KLHL4: variants seen among roughly 807,000 people sequenced by gnomAD.
KLHL4 encodes kelch like family member 4, also known as kelch-like protein 4.
A neutral mutation model predicts 45.8 loss-of-function variants in KLHL4; 17 were observed. The observed-to-expected ratio is 0.37, with a 90% CI of 0.25 to 0.56. KLHL4 has a LOEUF of 0.56. KLHL4 is among the 20% of genes least tolerant of loss of function. The pLI, the probability that KLHL4 is intolerant of heterozygous loss-of-function variation, is 0.79. For missense variants in KLHL4, 544 were observed against 544.9 expected (o/e 1.00, Z 0.02); for synonymous variants, 224 against 189.9 (o/e 1.18, Z -1.47).
intron 4 of KLHL4, 64 bp from the exon 5 acceptor site, chrX:87,622,147 T>C: frequency 1.4e-6 from 1 of 691,014 alleles, no homozygotes; most frequent in Non-Finnish European, 2.2e-6. Context: ...AATTCTTTGA[T>C]ATGCTTATTC....
intron 8 of KLHL4, among the ~76,000 whole-genome samples, chrX:87,634,756 C>T (rs1923205636): frequency 9.0e-6 from 1 of 111,566 alleles, no homozygotes; most frequent in Non-Finnish European, 1.9e-5. Context: ...TTAAGCTACT[C>T]CTAAATCTAT....
At chrX:87,609,351 G>C (rs1484367521) in intron 1 of KLHL4, among the ~76,000 whole-genome samples, 3 of 111,962 alleles carry the variant, frequency 2.7e-5, no homozygotes, top group African/African-American at 9.8e-5. Flanking sequence ...TTCCACAATG[G>C]TTGAACTAGT....
intron 9 of KLHL4, among the ~76,000 whole-genome samples, chrX:87,661,230 CTTG>C (rs1924177282): frequency 9.0e-6 from 1 of 111,419 alleles, no homozygotes; most frequent in African/African-American, 3.3e-5. Context: ...GGTTTGGAAG[CTTG>C]TTGTTGGGGC....
At chrX:87,582,399 C>T (rs1921313630) in intron 1 of KLHL4, among the ~76,000 whole-genome samples, 1 of 111,418 alleles carries the variant, frequency 9.0e-6, no homozygotes, top group East Asian at 2.8e-4. Flanking sequence ...GATAACACAG[C>T]AATTGTGGGG....
In KLHL4 at chrX:87,614,471, A is replaced by G. The variant is rs770164582; in HGVS notation, c.628A>G (p.Met210Val). The change falls in exon 3 of 11, where the codon ATG (methionine) becomes GTG (valine). Residue 210 changes from methionine (M) to valine (V), a missense_variant. Physicochemically the swap from Met to Val is conservative, Grantham distance 21. Transcript: ENST00000373119. ...CGCAGTGTCTGATTATTTTGCTGCA[A>G]TGTTTACTAATGATGTGCTTGAAGC... ...LSAVSDYFAA[M>V]FTNDVLEAKQ... 2.2e-5 allele frequency: 27 copies of G among 1,206,240 alleles called. No individual in the cohort carries two copies. Among genetic ancestry groups the G allele is most frequent in the Non-Finnish European group, 2.9e-5 (26 of 892,538 alleles).
intron 1 of KLHL4, among the ~76,000 whole-genome samples, chrX:87,607,735 A>G (rs5924059): frequency 0.37 from 41,293 of 110,328 alleles, 5,962 homozygotes; most frequent in Middle Eastern, 0.47. Flanking sequence ...CTTCACCTTC[A>G]TCTCTTATCC....
intron 10 of KLHL4, 39 bp downstream of exon 10, chrX:87,664,974 T>A (rs1924319165): frequency 2.2e-6 from 2 of 891,320 alleles, no homozygotes; most frequent in Admixed American, 3.0e-5. Context: ...ATATTTCAGG[T>A]TTTAAAAAGA....
intron 9 of KLHL4, among the ~76,000 whole-genome samples, chrX:87,648,396 TC>T (rs1923706515): frequency 9.0e-6 from 1 of 111,478 alleles, no homozygotes; most frequent in Non-Finnish European, 1.9e-5. Context: ...GACAGCTTTT[TC>T]AGTTAGAACA....
intron 6 of KLHL4, among the ~76,000 whole-genome samples, chrX:87,627,482 CAA>C (rs771272706): frequency 7.2e-5 from 8 of 111,417 alleles, no homozygotes; most frequent in Non-Finnish European, 1.3e-4. Flanking sequence ...GCCCATAAAA[CAA>C]GAGATTGCAA....
At chrX:87,585,121 G>A (rs1921422866) in intron 1 of KLHL4, among the ~76,000 whole-genome samples, 1 of 111,228 alleles carries the variant, frequency 9.0e-6, no homozygotes, top group Non-Finnish European at 1.9e-5. Context: ...TTTTACTCTA[G>A]AATAATATAT....
chrX:87,534,886 T>C (rs1219720750), intron 1 of KLHL4, among the ~76,000 whole-genome samples: 2 of 111,957 alleles, frequency 1.8e-5, no homozygotes, highest in East Asian at 2.8e-4. Context: ...ATGAATCTGA[T>C]AAAGAGATTT....
chrX:87,633,550 A>G (rs1394522435), intron 7 of KLHL4, among the ~76,000 whole-genome samples, 199 bp from the exon 8 acceptor site: 1 of 112,054 alleles, frequency 8.9e-6, no homozygotes. Context: ...TCTATGATAT[A>G]GTAACTAAAA....
chrX:87,611,964 T>C (rs1175252821), intron 1 of KLHL4, among the ~76,000 whole-genome samples: 1 of 111,646 alleles, frequency 9.0e-6, no homozygotes, highest in Non-Finnish European at 1.9e-5. Flanking sequence ...AAATTAAAAA[T>C]AGAAAAAAGC....
Position 87,666,538 on chromosome X carries a change from T to C in KLHL4, c.*4T>C, listed in dbSNP as rs1459998317. On this transcript the variant is annotated 3_prime_UTR_variant, in exon 11 of 11. Coordinates refer to ENST00000373119, the MANE Select transcript of KLHL4 (RefSeq NM_019117.5). ...TGTAGTGGTGAAGCTACCCTAAAGC[T>C]ATCTATCTTTATCAAATGGAATGAA... is the stretch of plus-strand genomic sequence containing the variant. The C allele has an allele frequency of 8.4e-7, 1 of 1,186,428 alleles. No individual in the cohort carries two copies. Among genetic ancestry groups the C allele is most frequent in the Non-Finnish European group, 1.1e-6 (1 of 882,351 alleles).
At chrX:87,551,314 G>A (rs1008858029) in intron 1 of KLHL4, among the ~76,000 whole-genome samples, 2 of 110,230 alleles carry the variant, frequency 1.8e-5, no homozygotes, top group African/African-American at 6.6e-5. Context: ...AGACCTCTAT[G>A]AAGAAAACTA....
chrX:87,643,581 C>T (rs1301750919), intron 9 of KLHL4, among the ~76,000 whole-genome samples: 1 of 111,321 alleles, frequency 9.0e-6, no homozygotes. Flanking sequence ...AATACCAAAA[C>T]CAGGAAAAGA....
intron 1 of KLHL4, among the ~76,000 whole-genome samples, chrX:87,531,645 A>G (rs1433351318): frequency 1.9e-5 from 2 of 106,524 alleles, no homozygotes; most frequent in Non-Finnish European, 1.9e-5. Flanking sequence ...CTCAGGATAC[A>G]AAATCAATGT....
chrX:87,579,255 C>T (rs1328865120), intron 1 of KLHL4, among the ~76,000 whole-genome samples: 2 of 110,714 alleles, frequency 1.8e-5, no homozygotes, highest in Non-Finnish European at 3.8e-5. Flanking sequence ...AATTAGAAAT[C>T]TATACACAGC....
chrX:87,572,344 T>C (rs1406872353), intron 1 of KLHL4, among the ~76,000 whole-genome samples: 5 of 111,102 alleles, frequency 4.5e-5, no homozygotes, highest in Non-Finnish European at 9.5e-5. Flanking sequence ...TGATCAGTAA[T>C]CTATACATGT....
Sources: gnomAD v4.1 joint callset for allele counts (sites outside exome capture counted in the v4.1 genomes callset) on GRCh38, gnomAD v4.1.1 for gene constraint, MANE v1.5 for transcripts, NCBI Gene and HGNC (gene_info 2026-07-23, HGNC 2026-07-21) for gene names.